GIT2: variants seen among roughly 807,000 people sequenced by gnomAD.
The protein encoded by GIT2 is ARF GTPase-activating protein GIT2.
A neutral mutation model predicts 100.3 loss-of-function variants in GIT2; 32 were observed. The ratio of observed to expected loss-of-function variants is 0.32; its 90% CI spans 0.24 to 0.43. The LOEUF is 0.43. Among genes scored for constraint, GIT2 ranks in the 20% least tolerant of loss-of-function variants. The pLI is 1.00. For synonymous variants in GIT2, 353 were observed against 364.1 expected, an observed-to-expected ratio of 0.97 and a Z score of 0.35; for missense variants, 737 against 975.1, an observed-to-expected ratio of 0.76 and a Z score of 3.25.
At chr12:109,975,171 G>T (rs892545903) in intron 7 of GIT2, among the ~76,000 whole-genome samples, 10 of 151,916 alleles carry the variant, frequency 6.6e-5, no homozygotes, top group African/African-American at 2.2e-4. Flanking sequence ...TTTAAAATGG[G>T]TTTCTTGTAG....
At chr12:109,979,417 C>T (rs991718180) in intron 7 of GIT2, among the ~76,000 whole-genome samples, 19 of 151,562 alleles carry the variant, frequency 1.3e-4, no homozygotes, top group African/African-American at 3.2e-4. Context: ...GGACTATAGG[C>T]GCCTGCCACC....
chr12:109,956,623 T>C (rs1473051833), intron 12 of GIT2, among the ~76,000 whole-genome samples: 2 of 152,222 alleles, frequency 1.3e-5, no homozygotes, highest in East Asian at 1.9e-4. Context: ...TGAGGATCAA[T>C]TGTGTATTTA....
chr12:109,957,137 G>A (rs1486903683), intron 12 of GIT2, among the ~76,000 whole-genome samples: 1 of 152,166 alleles, frequency 6.6e-6, no homozygotes, highest in East Asian at 1.9e-4. Context: ...GTGTTGGAGG[G>A]GAGGACTAAA....
upstream of GIT2, chr12:109,997,682 G>A (rs957997916): frequency 1.3e-5 from 2 of 152,160 alleles, no homozygotes; most frequent in Non-Finnish European, 2.9e-5. Context: ...AATAAATTAT[G>A]GGAAAAATGT....
At position 109,933,402 on chromosome 12, in the gene GIT2, A is replaced by G; in HGVS notation, c.2068-212T>C. 1 of 495,700 alleles carries G rather than the reference A, an allele frequency of 2.0e-6. No individual in the cohort carries two copies. The highest frequency in any genetic ancestry group is 3.6e-6 in the Non-Finnish European group (1 of 279,488). 30.7% of individuals were successfully genotyped at this position (495,700 alleles called of 1,614,324 possible). ...TATTCTGATTCAAAGGTCAAAGTGCATGCAGGGTAATTTTAGTAGTATGTG... is the reference window on the plus strand; with the variant it reads ...TATTCTGATTCAAAGGTCAAAGTGCGTGCAGGGTAATTTTAGTAGTATGTG... On this transcript the variant is annotated intron_variant, in intron 19 of 19. Transcript: ENST00000355312. This position sits in a 1 kb window ranked among gnomAD's most constrained non-coding sequence, Gnocchi z 4.5.
intron 7 of GIT2, among the ~76,000 whole-genome samples, chr12:109,969,561 T>C (rs1252570493): frequency 6.6e-6 from 1 of 152,162 alleles, no homozygotes; most frequent in East Asian, 1.9e-4. Flanking sequence ...TTTTCCCCCT[T>C]GCAGAGGCAA....
At chr12:109,994,950 T>G (rs1367359927) in intron 1 of GIT2, among the ~76,000 whole-genome samples, 1 of 152,230 alleles carries the variant, frequency 6.6e-6, no homozygotes, top group Non-Finnish European at 1.5e-5. Flanking sequence ...TGGTAACACC[T>G]GCACTGTACG....
intron 5 of GIT2, 43 bp from the exon 6 acceptor site, chr12:109,983,546 T>C (rs556876405): frequency 6.2e-7 from 1 of 1,603,702 alleles, no homozygotes; most frequent in South Asian, 1.1e-5. Flanking sequence ...GCACATTAAA[T>C]AAAGGCTACA....
At position 109,947,441 on chromosome 12, in the gene GIT2, C is replaced by T; in HGVS notation, c.1456G>A (p.Val486Met). ...RKQATTNVYQ[V>M]QTGSEYTDTS... The stretch of plus-strand genomic sequence containing the variant: ...TCTGTGTACTCAGAACCAGTTTGCA[C>T]CTGATATACATTGGTTGTGGCCTGT... The change falls in exon 15 of 20, where the codon GTG (valine) becomes ATG (methionine). Residue 486 changes from valine (V) to methionine (M), a missense_variant. This residue lies in a region of GIT2 where 451 missense variants were observed against 543.7 expected (regional missense o/e 0.83). Transcript: ENST00000355312. This position sits in a 1 kb window ranked among gnomAD's most constrained non-coding sequence, Gnocchi z 4.3. The T allele has an allele frequency of 1.9e-6, 3 of 1,613,554 alleles. No individual in the cohort carries two copies. The highest frequency in any genetic ancestry group is 2.5e-6 in the Non-Finnish European group (3 of 1,179,458).
At chr12:109,982,086 T>C (rs1886412103) in intron 6 of GIT2, 1 of 152,218 alleles carries the variant, frequency 6.6e-6, no homozygotes, top group African/African-American at 2.4e-5. Flanking sequence ...TGTGAAATAA[T>C]GAAGCACCAT....
intron 4 of GIT2, among the ~76,000 whole-genome samples, chr12:109,985,422 G>T (rs6606745): frequency 8.6e-5 from 13 of 151,874 alleles, no homozygotes; most frequent in East Asian, 1.9e-4. Flanking sequence ...TTAAAAAAGG[G>T]GGGGGAAAAA....
rs1565946644 is a variant in GIT2, at chr12:109,947,634, A to G, written c.1393-130T>C. 1.2e-6 allele frequency: 1 copy of G among 814,964 alleles called. No individual in the cohort carries two copies. Among genetic ancestry groups the G allele is most frequent in the African/African-American group, 1.7e-5 (1 of 58,672 alleles). The allele number at this position is 814,964 out of a possible 1,614,324, so 50.5% of individuals were successfully genotyped here. On this transcript the variant is annotated intron_variant, in intron 14 of 19. Transcript: ENST00000355312. The surrounding 1 kb of genome is among the most constrained non-coding windows in gnomAD (Gnocchi z 4.3). ...TAACAGCTAGCCGGGCTGAAAGTAA[A>G]AAGCCAATACAAACAAGGACCCTTT...
At chr12:109,941,529 C>CA (rs1874684162) in intron 16 of GIT2, among the ~76,000 whole-genome samples, 2 of 144,186 alleles carry the variant, frequency 1.4e-5, no homozygotes, top group East Asian at 4.0e-4. Flanking sequence ...TAACTTTTTT[C>CA]TTTTTTTTTT....
At chr12:109,965,311 G>A (rs1882051598) in intron 9 of GIT2, among the ~76,000 whole-genome samples, 1 of 152,200 alleles carries the variant, frequency 6.6e-6, no homozygotes, top group African/African-American at 2.4e-5. Context: ...AGAGAAAAAT[G>A]AGATTATCTG....
chr12:109,999,696 C>T, upstream of GIT2: 2 of 1,535,960 alleles, frequency 1.3e-6, no homozygotes, highest in South Asian at 1.2e-5. This position sits in a 1 kb window ranked among gnomAD's most constrained non-coding sequence, Gnocchi z 4.3. Flanking sequence ...GCCATGTCCT[C>T]GGCCTGCGAC....
At chr12:109,968,850 T>G (rs9634316) in intron 7 of GIT2, among the ~76,000 whole-genome samples, 7,867 of 152,082 alleles carry the variant, frequency 0.052, 289 homozygotes, top group East Asian at 0.11. Context: ...GCCACCTGAG[T>G]AGCCAGGACT....
chr12:109,971,284 A>G (rs967319665), intron 7 of GIT2, among the ~76,000 whole-genome samples: 9 of 152,094 alleles, frequency 5.9e-5, no homozygotes, highest in African/African-American at 2.2e-4. Flanking sequence ...TACTACATGT[A>G]TTGTGTATTT....
At chr12:109,978,035 T>G (rs537706231) in intron 7 of GIT2, among the ~76,000 whole-genome samples, 4 of 152,174 alleles carry the variant, frequency 2.6e-5, no homozygotes, top group Admixed American at 1.3e-4. Context: ...TTTTCTAAGT[T>G]TCTTGAATCT....
intron 8 of GIT2, among the ~76,000 whole-genome samples, chr12:109,965,955 G>A (rs542985780): frequency 1.0e-3 from 152 of 150,136 alleles, no homozygotes; most frequent in Non-Finnish European, 1.6e-3. Context: ...ATCCCAGCAC[G>A]TTGGGAGGCC....
Sources: gnomAD v4.1 joint callset for allele counts (sites outside exome capture counted in the v4.1 genomes callset) on GRCh38, gnomAD v4.1.1 for gene constraint, gnomAD v4.1.1 regional missense constraint, Gnocchi (gnomAD v3.1) non-coding constraint, MANE v1.5 for transcripts, NCBI Gene and HGNC (gene_info 2026-07-23, HGNC 2026-07-21) for gene names.